Variants in DIAPH3 observed in about 807,000 individuals in gnomAD.
DIAPH3 encodes the protein diaphanous related formin 3, also known as protein diaphanous homolog 3.
In DIAPH3, 117 loss-of-function variants were observed where a neutral mutation model predicts 144.3. The observed-to-expected ratio is 0.81, with a 90% CI of 0.70 to 0.95. DIAPH3 has a LOEUF of 0.95. Among genes scored for constraint, DIAPH3 ranks in the 40% least tolerant of loss-of-function variants. The pLI is 0.00. For synonymous variants in DIAPH3, 519 were observed against 488.9 expected, an observed-to-expected ratio of 1.06 and a Z score of -0.81; for missense variants, 1,421 against 1,412.7, an observed-to-expected ratio of 1.01 and a Z score of -0.09.
chr13:59,685,437 C>G (rs543239339), intron 27 of DIAPH3, among the ~76,000 whole-genome samples: 1 of 152,186 alleles, frequency 6.6e-6, no homozygotes, highest in East Asian at 1.9e-4. Context: ...TGCTGGCTAT[C>G]AAATATAGGT....
chr13:59,797,212 T>A (rs938214152), intron 25 of DIAPH3, among the ~76,000 whole-genome samples: 8 of 152,210 alleles, frequency 5.3e-5, no homozygotes, highest in Admixed American at 2.0e-4. Flanking sequence ...TCCTTATAAG[T>A]TGTGGACTTC....
chr13:59,705,499 A>AT, intron 27 of DIAPH3, among the ~76,000 whole-genome samples: 1 of 152,220 alleles, frequency 6.6e-6, no homozygotes, highest in Non-Finnish European at 1.5e-5. Context: ...GTGAGGCCTG[A>AT]TAAAAAAGGA....
chr13:59,812,248 G>GCATCCATC (rs67202819), intron 24 of DIAPH3, among the ~76,000 whole-genome samples: 17 of 150,136 alleles, frequency 1.1e-4, no homozygotes, highest in African/African-American at 4.2e-4. Flanking sequence ...ATGCATGCAT[G>GCATCCATC]CATCCATCCA....
At chr13:59,696,998 T>C (rs1302316836) in intron 27 of DIAPH3, among the ~76,000 whole-genome samples, 2 of 152,150 alleles carry the variant, frequency 1.3e-5, no homozygotes, top group Non-Finnish European at 2.9e-5. Context: ...CTGAATCATT[T>C]AACTTGAGTA....
At position 60,143,520 on chromosome 13, in the gene DIAPH3, T is replaced by C. The variant is rs190022397; in HGVS notation, c.181-10531A>G. 5.9e-5 allele frequency among the ~76,000 whole-genome samples: 9 copies of C among 152,308 alleles called. No individual in the cohort carries two copies. The South Asian group carries it at 6.2e-4, about 11-fold the overall frequency. On this transcript the variant is annotated intron_variant, in intron 1 of 27. Transcript: ENST00000400324. ...CCTGAGGTTCAGAAACTTTGACCAA[T>C]GTTATTCTGCTTCCTTCACAGTAAG...
At chr13:59,987,779 A>G (rs993893536) in intron 12 of DIAPH3, among the ~76,000 whole-genome samples, 1 of 151,340 alleles carries the variant, frequency 6.6e-6, no homozygotes, top group African/African-American at 2.4e-5. Flanking sequence ...AGAGGATTAA[A>G]GAGAAAACTG....
intron 27 of DIAPH3, among the ~76,000 whole-genome samples, chr13:59,724,290 T>C (rs924195848): frequency 6.6e-6 from 1 of 152,176 alleles, no homozygotes; most frequent in South Asian, 2.1e-4. Flanking sequence ...TAGAAAAAAC[T>C]CGTGTGTGAA....
At chr13:59,910,542 A>G (rs924173069) in intron 20 of DIAPH3, among the ~76,000 whole-genome samples, 2 of 152,044 alleles carry the variant, frequency 1.3e-5, no homozygotes, top group Admixed American at 6.6e-5. Flanking sequence ...AGCCTGGCCA[A>G]CATGGTGAAA....
chr13:59,806,585 T>C (rs910686068), intron 25 of DIAPH3, among the ~76,000 whole-genome samples: 6 of 151,966 alleles, frequency 3.9e-5, no homozygotes, highest in African/African-American at 1.4e-4. Context: ...CATTATCCTA[T>C]CTTATTTTAG....
chr13:59,830,019 A>G (rs1479531683), intron 24 of DIAPH3, among the ~76,000 whole-genome samples: 1 of 151,938 alleles, frequency 6.6e-6, no homozygotes, highest in African/African-American at 2.4e-5. Context: ...TAAGAAGAAA[A>G]TTTTTGTCTA....
chr13:59,808,939 C>T (rs1214055680), intron 25 of DIAPH3, among the ~76,000 whole-genome samples: 1 of 151,866 alleles, frequency 6.6e-6, no homozygotes, highest in Non-Finnish European at 1.5e-5. Flanking sequence ...TAGGTGTTTT[C>T]GATAATGTAA....
At chr13:59,920,720 T>G (rs2047467760) in intron 18 of DIAPH3, among the ~76,000 whole-genome samples, 1 of 151,486 alleles carries the variant, frequency 6.6e-6, no homozygotes, top group Non-Finnish European at 1.5e-5. Context: ...AACTAGAAAA[T>G]GAACTCTAGG....
intron 17 of DIAPH3, among the ~76,000 whole-genome samples, chr13:59,969,145 T>C (rs2050215148): frequency 6.6e-6 from 1 of 152,170 alleles, no homozygotes; most frequent in Non-Finnish European, 1.5e-5. Context: ...GCCCACGAAA[T>C]TGGATGAAAT....
intron 5 of DIAPH3, among the ~76,000 whole-genome samples, chr13:60,032,091 T>A (rs559888987): frequency 4.3e-4 from 65 of 152,276 alleles, no homozygotes; most frequent in Non-Finnish European, 7.4e-4. Flanking sequence ...CCAGGCCACA[T>A]TGGTACAAGG....
intron 25 of DIAPH3, among the ~76,000 whole-genome samples, chr13:59,775,967 C>T (rs990046472): frequency 3.9e-5 from 6 of 152,172 alleles, no homozygotes; most frequent in Admixed American, 3.9e-4. Context: ...TTCAAAGGAA[C>T]TACTGGCCCA....
chr13:59,803,595 G>T lies in DIAPH3; in HGVS notation c.3163+7193C>A, dbSNP rs1465254345. Among the ~76,000 whole-genome samples, 3 of 151,970 alleles carry T rather than the reference G, an allele frequency of 2.0e-5. No homozygotes were observed. In the East Asian group the frequency reaches 5.8e-4, roughly 29 times the overall value. On this transcript the variant is annotated intron_variant, in intron 25 of 27. Transcript: ENST00000400324. ...AAAAGAAAGAAAGAAAAAGACAAAA[G>T]AAAAAAATAATCACTTTCAAATTAA...
At position 59,897,781 on chromosome 13, in the gene DIAPH3, A is replaced by T. The variant is rs181527197; in HGVS notation, c.2367+13954T>A. On this transcript the variant is annotated intron_variant, in intron 20 of 27. Transcript: ENST00000400324. ...CAAAAAAAGAATAAGAAAAAAAAAG[A>T]AAGTGGGTGCTGAACTGGATCACAA... Among the ~76,000 whole-genome samples, 171 of 151,942 alleles carry T rather than the reference A, an allele frequency of 1.1e-3. 1 individual carries two copies. Among genetic ancestry groups the T allele is most frequent in the African/African-American group, 4.0e-3 (165 of 41,456 alleles).
At chr13:59,829,380 C>T (rs1356244347) in intron 24 of DIAPH3, among the ~76,000 whole-genome samples, 6 of 151,782 alleles carry the variant, frequency 4.0e-5, no homozygotes. Flanking sequence ...GATGTTAACG[C>T]AGGTCAGCCA....
chr13:60,162,307 C>T (rs1302173569), intron 1 of DIAPH3, among the ~76,000 whole-genome samples: 2 of 152,128 alleles, frequency 1.3e-5, no homozygotes, highest in African/African-American at 2.4e-5. Flanking sequence ...AAAATAACAC[C>T]TCCTGTATTC....
Sources: gnomAD v4.1 joint callset for allele counts (sites outside exome capture counted in the v4.1 genomes callset) on GRCh38, gnomAD v4.1.1 for gene constraint, MANE v1.5 for transcripts, NCBI Gene and HGNC (gene_info 2026-07-23, HGNC 2026-07-21) for gene names.